The following KCTD16 variants were observed in gnomAD, a reference collection of about 807,000 sequenced individuals.
The protein encoded by KCTD16 is potassium channel tetramerization domain containing 16.
Under a neutral mutation model 33.2 loss-of-function variants are expected in KCTD16, and 13 were observed. The observed-to-expected ratio is 0.39, with a 90% CI of 0.25 to 0.62. The LOEUF (loss-of-function observed/expected upper bound fraction) is 0.62, where lower values mean the gene tolerates loss of function less well. Among genes scored for constraint, KCTD16 ranks in the 20% least tolerant of loss-of-function variants. KCTD16 has a pLI of 0.50. For synonymous variants in KCTD16, 197 were observed against 195.3 expected, an observed-to-expected ratio of 1.01 and a Z score of -0.07; for missense variants, 441 against 525.1, an observed-to-expected ratio of 0.84 and a Z score of 1.57.
intron 2 of KCTD16, among the ~76,000 whole-genome samples, chr5:144,192,947 C>T (rs916124691): frequency 1.3e-5 from 2 of 152,144 alleles, no homozygotes; most frequent in African/African-American, 2.4e-5. Flanking sequence ...AGAAAGAGGA[C>T]ACTGTTAGCT....
intron 2 of KCTD16, among the ~76,000 whole-genome samples, chr5:144,196,273 T>G (rs1752937729): frequency 6.6e-6 from 1 of 151,872 alleles, no homozygotes; most frequent in Non-Finnish European, 1.5e-5. Flanking sequence ...GGGAAGCGAG[T>G]TTTTACTATT....
At chr5:144,235,672 G>GA (rs1268736868) in intron 3 of KCTD16, among the ~76,000 whole-genome samples, 5 of 152,000 alleles carry the variant, frequency 3.3e-5, no homozygotes, top group Non-Finnish European at 7.4e-5. Flanking sequence ...TACTAGTATA[G>GA]AAATGAGAGA....
chr5:144,400,307 C>A (rs1336057299), intron 3 of KCTD16, among the ~76,000 whole-genome samples: 1 of 152,062 alleles, frequency 6.6e-6, no homozygotes, highest in Non-Finnish European at 1.5e-5. Flanking sequence ...CAGTTTGGAA[C>A]AAGGGAGGAA....
In KCTD16 at chr5:144,327,803, T is replaced by G. The variant is rs1216349987; in HGVS notation, c.832+120257T>G. Reference sequence around the variant, plus strand: ...AAAACAGCTATCTAATAATTCCATTTTATGGATGTTTTATAATTTATAATT... The same window carrying G: ...AAAACAGCTATCTAATAATTCCATTGTATGGATGTTTTATAATTTATAATT... On this transcript the variant is annotated intron_variant, in intron 3 of 3. Coordinates refer to ENST00000512467, the MANE Select transcript of KCTD16 (RefSeq NM_020768.4). Among the ~76,000 whole-genome samples the G allele has an allele frequency of 2.0e-5, 3 of 152,162 alleles. No homozygotes were observed. The East Asian group carries it at 5.8e-4, about 29-fold the overall frequency.
intron 3 of KCTD16, among the ~76,000 whole-genome samples, chr5:144,347,681 GA>G (rs1391873946): frequency 2.0e-5 from 3 of 152,162 alleles, no homozygotes; most frequent in Non-Finnish European, 4.4e-5. Context: ...GCAGGCAGAG[GA>G]AACAGCAAGT....
At chr5:144,433,155 T>C (rs899552622) in intron 3 of KCTD16, among the ~76,000 whole-genome samples, 3 of 152,138 alleles carry the variant, frequency 2.0e-5, no homozygotes, top group Non-Finnish European at 4.4e-5. Flanking sequence ...GAATAGTAAG[T>C]GTAGGAGGTC....
At chr5:144,246,305 T>C in intron 3 of KCTD16, among the ~76,000 whole-genome samples, 1 of 152,138 alleles carries the variant, frequency 6.6e-6, no homozygotes, top group Non-Finnish European at 1.5e-5. Context: ...CCAGGTAACA[T>C]TAAAAAATTA....
At chr5:144,277,779 G>T (rs1372710411) in intron 3 of KCTD16, among the ~76,000 whole-genome samples, 2 of 152,090 alleles carry the variant, frequency 1.3e-5, no homozygotes, top group Non-Finnish European at 2.9e-5. Flanking sequence ...AGAGACTAAT[G>T]ATGTTAAGCA....
At chr5:144,338,164 A>G (rs1054077565) in intron 3 of KCTD16, among the ~76,000 whole-genome samples, 2 of 152,182 alleles carry the variant, frequency 1.3e-5, no homozygotes, top group Non-Finnish European at 2.9e-5. Context: ...GCTTCAATAA[A>G]CATTGATCAA....
intron 3 of KCTD16, among the ~76,000 whole-genome samples, chr5:144,310,456 G>A (rs1215485865): frequency 2.1e-5 from 3 of 142,964 alleles, no homozygotes; most frequent in Non-Finnish European, 4.8e-5. Context: ...TCTATTTTTA[G>A]CTATTTTGAA....
intron 3 of KCTD16, among the ~76,000 whole-genome samples, chr5:144,446,812 A>G (rs567214766): frequency 5.8e-4 from 89 of 152,342 alleles, no homozygotes; most frequent in African/African-American, 1.2e-3. Flanking sequence ...AAAAAAGCTC[A>G]TCATCACTGG....
chr5:144,370,482 A>G (rs1276901671), intron 3 of KCTD16, among the ~76,000 whole-genome samples: 1 of 152,162 alleles, frequency 6.6e-6, no homozygotes, highest in Non-Finnish European at 1.5e-5. Context: ...TCCACCTGAA[A>G]GAACAATACT....
intron 3 of KCTD16, among the ~76,000 whole-genome samples, chr5:144,435,533 G>A (rs1753556036): frequency 6.6e-6 from 1 of 152,034 alleles, no homozygotes; most frequent in South Asian, 2.1e-4. Context: ...AAGGAATATT[G>A]TGTTTATTGC....
intron 3 of KCTD16, among the ~76,000 whole-genome samples, chr5:144,276,618 A>G (rs1353774582): frequency 6.6e-6 from 1 of 152,182 alleles, no homozygotes; most frequent in African/African-American, 2.4e-5. Flanking sequence ...TTGAAACTCT[A>G]TCTCGCCGGG....
chr5:144,471,999 A>G (rs1309719240), intron 3 of KCTD16, among the ~76,000 whole-genome samples: 1 of 152,328 alleles, frequency 6.6e-6, no homozygotes, highest in Non-Finnish European at 1.5e-5. Context: ...TAAAGAACAG[A>G]CTTTATACAA....
intron 3 of KCTD16, among the ~76,000 whole-genome samples, chr5:144,404,239 A>G (rs1466912067): frequency 6.6e-6 from 1 of 152,188 alleles, no homozygotes; most frequent in Non-Finnish European, 1.5e-5. Context: ...AGAAGGGAAA[A>G]TGACATGCTA....
intron 3 of KCTD16, among the ~76,000 whole-genome samples, chr5:144,376,633 G>A (rs939909877): frequency 9.2e-5 from 14 of 152,272 alleles, no homozygotes; most frequent in South Asian, 2.1e-4. Flanking sequence ...TGAGAGAAGC[G>A]TCATATGTCA....
intron 3 of KCTD16, among the ~76,000 whole-genome samples, chr5:144,452,343 T>C (rs1034953671): frequency 6.6e-6 from 1 of 151,780 alleles, no homozygotes; most frequent in African/African-American, 2.4e-5. Context: ...AAATGAAACC[T>C]AAATGAAATA....
chr5:144,305,063 A>C lies in KCTD16; in HGVS notation c.832+97517A>C, dbSNP rs1580859123. Among the ~76,000 whole-genome samples the C allele has an allele frequency of 2.3e-5, 3 of 128,266 alleles. No homozygotes were observed. The East Asian group carries it at 7.3e-4, about 31-fold the overall frequency. 84.1% of individuals were successfully genotyped at this position (128,266 alleles called of 152,430 possible). On this transcript the variant is annotated intron_variant, in intron 3 of 3. Coordinates refer to ENST00000512467, the MANE Select transcript of KCTD16 (RefSeq NM_020768.4). ...GTCTCCTGGCTGCCTACTCTGTCTG[A>C]TTCACCTGACATGTGGGACACTCCA...
Sources: gnomAD v4.1 joint callset for allele counts (sites outside exome capture counted in the v4.1 genomes callset) on GRCh38, gnomAD v4.1.1 for gene constraint, MANE v1.5 for transcripts, NCBI Gene and HGNC (gene_info 2026-07-23, HGNC 2026-07-21) for gene names.